The following CLIC5 variants were observed in gnomAD, a reference collection of about 807,000 sequenced individuals.
CLIC5 encodes CLIC family member 5.
Under a neutral mutation model 24.7 loss-of-function variants are expected in CLIC5, and 20 were observed. The ratio of observed to expected loss-of-function variants is 0.81; its 90% CI spans 0.57 to 1.18. The LOEUF (loss-of-function observed/expected upper bound fraction) is 1.18. Among genes scored for constraint, CLIC5 ranks in the 50% most tolerant of loss-of-function variants. CLIC5 has a pLI of 0.00. For missense variants in CLIC5, 341 were observed against 326.1 expected (o/e 1.05, Z -0.35); for synonymous variants, 159 against 135.6 (o/e 1.17, Z -1.20).
At chr6:45,924,401 C>T (rs563259191) in intron 4 of CLIC5, among the ~76,000 whole-genome samples, 10 of 152,280 alleles carry the variant, frequency 6.6e-5, no homozygotes, top group Admixed American at 6.5e-4. Context: ...CAGAGCAGTT[C>T]CCTGGATACC....
chr6:46,028,645 G>GA (rs142741426), intron 1 of CLIC5, among the ~76,000 whole-genome samples: 5,983 of 152,008 alleles, frequency 0.039, 169 homozygotes, highest in Non-Finnish European at 0.064. Context: ...CTCTCTATTA[G>GA]ACTTTGTTTT....
the CLIC5 span, among the ~76,000 whole-genome samples, chr6:46,102,968 C>T: frequency 3.3e-5 from 5 of 152,286 alleles, no homozygotes; most frequent in South Asian, 1.0e-3. Flanking sequence ...TCAAATATAG[C>T]ATGGGATATC....
the CLIC5 span, among the ~76,000 whole-genome samples, chr6:46,107,996 T>C: frequency 7.9e-6 from 1 of 125,856 alleles, no homozygotes; most frequent in African/African-American, 3.0e-5. Flanking sequence ...ATCACGCCAT[T>C]GCACTCCAGC....
chr6:46,087,310 A>G, the CLIC5 span, among the ~76,000 whole-genome samples: 4 of 152,314 alleles, frequency 2.6e-5, no homozygotes, highest in East Asian at 7.7e-4. Flanking sequence ...AGACAGATGG[A>G]ATCTTCTTCA....
chr6:46,022,463 A>G (rs910057694), intron 1 of CLIC5, among the ~76,000 whole-genome samples: 6 of 152,214 alleles, frequency 3.9e-5, no homozygotes, highest in Admixed American at 2.6e-4. Context: ...ACAGCTTCAG[A>G]AAGACATTAT....
chr6:45,958,447 T>TACACACAC (rs1446493409), intron 1 of CLIC5, among the ~76,000 whole-genome samples: 43 of 72,250 alleles, frequency 6.0e-4, no homozygotes, highest in Middle Eastern at 7.0e-3. Flanking sequence ...TATATATATA[T>TACACACAC]ATATATATAT....
At chr6:46,085,465 T>A in the CLIC5 span, among the ~76,000 whole-genome samples, 1 of 152,206 alleles carries the variant, frequency 6.6e-6, no homozygotes, top group Non-Finnish European at 1.5e-5. Flanking sequence ...GTGGATGTCC[T>A]TTCTGTTTGT....
intron 1 of CLIC5, among the ~76,000 whole-genome samples, chr6:46,048,223 G>A (rs1163681051): frequency 6.6e-6 from 1 of 152,078 alleles, no homozygotes; most frequent in Non-Finnish European, 1.5e-5. Context: ...AGTTGGTCTC[G>A]AATTCCTGAC....
At chr6:46,039,881 A>G (rs1767758549) in intron 1 of CLIC5, among the ~76,000 whole-genome samples, 1 of 152,222 alleles carries the variant, frequency 6.6e-6, no homozygotes, top group African/African-American at 2.4e-5. Flanking sequence ...AGAGATGTAA[A>G]CAAAAAACCT....
chr6:45,951,258 A>G (rs901571551), intron 2 of CLIC5, among the ~76,000 whole-genome samples: 16 of 152,176 alleles, frequency 1.1e-4, no homozygotes, highest in Non-Finnish European at 2.2e-4. Flanking sequence ...GAAAGAGGAG[A>G]CCCAAGAGTC....
chr6:45,955,748 G>T (rs947023310), intron 1 of CLIC5, among the ~76,000 whole-genome samples: 7 of 143,038 alleles, frequency 4.9e-5, no homozygotes, highest in African/African-American at 1.3e-4. Flanking sequence ...CCACCCCTCA[G>T]TCCTTGGATG....
chr6:46,112,751 G>T, the CLIC5 span, among the ~76,000 whole-genome samples: 143 of 152,130 alleles, frequency 9.4e-4, 1 homozygote, highest in African/African-American at 3.4e-3. Context: ...CAAGGTCTCT[G>T]AGAAGAAGAA....
At chr6:46,129,673 G>C in the CLIC5 span, 531 of 152,314 alleles carry the variant, frequency 3.5e-3, 2 homozygotes, top group African/African-American at 0.012. Context: ...TAAGCTGCCA[G>C]GTGCACATTA....
chr6:45,990,350 C>A (rs115151287), intron 1 of CLIC5, among the ~76,000 whole-genome samples: 30 of 152,258 alleles, frequency 2.0e-4, no homozygotes, highest in African/African-American at 7.0e-4. Flanking sequence ...GAGTTAGGGG[C>A]AGCTAAAAAT....
intron 1 of CLIC5, among the ~76,000 whole-genome samples, chr6:46,022,223 A>C (rs770020521): frequency 4.6e-5 from 7 of 152,316 alleles, no homozygotes; most frequent in Non-Finnish European, 1.0e-4. Flanking sequence ...AATAATGATG[A>C]TGCTTATGGG....
chr6:45,918,362 G>A (rs1763112448), intron 4 of CLIC5, among the ~76,000 whole-genome samples: 1 of 152,198 alleles, frequency 6.6e-6, no homozygotes, highest in African/African-American at 2.4e-5. Flanking sequence ...CATGGAGGCT[G>A]AATGGGGACT....
At chr6:46,071,752 A>G in intron 1 of CLIC5, among the ~76,000 whole-genome samples, 1 of 152,164 alleles carries the variant, frequency 6.6e-6, no homozygotes, top group Admixed American at 6.5e-5. Flanking sequence ...ACCTAAAGGA[A>G]TATAAATTGT....
At chr6:46,016,542 C>A (rs1056670527), upstream of CLIC5, among the ~76,000 whole-genome samples, 1 of 152,122 alleles carries the variant, frequency 6.6e-6, no homozygotes, top group African/African-American at 2.4e-5. Flanking sequence ...CATTTTCTTT[C>A]TATTTCTTCC....
chr6:45,962,087 C>T (rs1318200746), intron 1 of CLIC5, among the ~76,000 whole-genome samples: 1 of 149,884 alleles, frequency 6.7e-6, no homozygotes, highest in Non-Finnish European at 1.5e-5. Flanking sequence ...CACACACACA[C>T]ACACACATCC....
Sources: allele counts gnomAD v4.1 joint callset (sites outside exome capture counted in the v4.1 genomes callset), GRCh38; gene constraint gnomAD v4.1.1; transcripts MANE v1.5; gene names NCBI Gene and HGNC (gene_info 2026-07-23, HGNC 2026-07-21).